Variants in GRID2 observed in about 807,000 individuals in gnomAD.
GRID2 encodes the protein glutamate receptor ionotropic, delta-2.
In GRID2, 33 loss-of-function variants were observed where a neutral mutation model predicts 114.8. The ratio of observed to expected loss-of-function variants is 0.29; its 90% CI spans 0.22 to 0.38. The LOEUF is 0.38. Among genes scored for constraint, GRID2 ranks in the 10% least tolerant of loss-of-function variants. The pLI, the probability that GRID2 is intolerant of heterozygous loss-of-function variation, is 1.00. For synonymous variants in GRID2, 505 were observed against 449.9 expected (o/e 1.12, Z -1.55); for missense variants, 1,184 against 1,257.7 (o/e 0.94, Z 0.89).
At chr4:92,846,496 A>C (rs961120628) in intron 2 of GRID2, among the ~76,000 whole-genome samples, 2 of 152,056 alleles carry the variant, frequency 1.3e-5, no homozygotes, top group African/African-American at 4.8e-5. Flanking sequence ...CAAAGACATA[A>C]TTTTTTATAG....
intron 8 of GRID2, among the ~76,000 whole-genome samples, chr4:93,344,679 A>G (rs1760021437): frequency 6.7e-6 from 1 of 148,872 alleles, no homozygotes; most frequent in Non-Finnish European, 1.5e-5. Flanking sequence ...ATAATATATT[A>G]TTATTAACTA....
chr4:92,385,771 T>C (rs557504114), intron 1 of GRID2, among the ~76,000 whole-genome samples: 1 of 151,600 alleles, frequency 6.6e-6, no homozygotes, highest in East Asian at 1.9e-4. Context: ...CCTTTGTAGT[T>C]CTACTTTTCA....
At chr4:92,359,691 G>T (rs1000513961) in intron 1 of GRID2, among the ~76,000 whole-genome samples, 1 of 151,988 alleles carries the variant, frequency 6.6e-6, no homozygotes, top group East Asian at 1.9e-4. Flanking sequence ...GGTTAGACGG[G>T]TGTTTAGGAA....
chr4:92,733,302 C>T (rs76263947), intron 2 of GRID2, among the ~76,000 whole-genome samples: 3,042 of 152,176 alleles, frequency 0.02, 106 homozygotes, highest in African/African-American at 0.07. Flanking sequence ...TAACCTGTAA[C>T]TGATTAACTG....
chr4:93,117,592 T>C (rs1047770108), intron 4 of GRID2, among the ~76,000 whole-genome samples: 1 of 152,166 alleles, frequency 6.6e-6, no homozygotes, highest in Non-Finnish European at 1.5e-5. Flanking sequence ...TGCATTCTTG[T>C]TTTAGCTCCT....
chr4:92,411,649 G>GTATATATATATATATATATATATATA (rs1320090236), intron 1 of GRID2, among the ~76,000 whole-genome samples: 15 of 94,842 alleles, frequency 1.6e-4, no homozygotes, highest in Non-Finnish European at 2.5e-4. Context: ...GTGTGTGTGT[G>GTATATATATATATATATATATATATA]TGTGTGTATA....
intron 4 of GRID2, among the ~76,000 whole-genome samples, chr4:93,175,150 T>C (rs1051220247): frequency 6.6e-6 from 1 of 152,052 alleles, no homozygotes; most frequent in Non-Finnish European, 1.5e-5. Context: ...ATTGTTTTTT[T>C]ATTTTAGACC....
At chr4:93,016,003 G>C (rs1722660662) in intron 2 of GRID2, among the ~76,000 whole-genome samples, 1 of 151,844 alleles carries the variant, frequency 6.6e-6, no homozygotes, top group Non-Finnish European at 1.5e-5. Flanking sequence ...CAGATAGGTA[G>C]TATCTACAAA....
chr4:92,662,865 T>A (rs1029748281), intron 2 of GRID2, among the ~76,000 whole-genome samples: 4 of 151,156 alleles, frequency 2.6e-5, no homozygotes, highest in Non-Finnish European at 4.5e-5. Flanking sequence ...TACTATATTA[T>A]TTAATAAAAA....
intron 8 of GRID2, among the ~76,000 whole-genome samples, chr4:93,337,871 A>G (rs960038601): frequency 6.6e-6 from 1 of 152,142 alleles, no homozygotes; most frequent in African/African-American, 2.4e-5. Context: ...CATTTTTCAA[A>G]AATAATTTAA....
At chr4:92,746,785 A>G (rs552465772) in intron 2 of GRID2, among the ~76,000 whole-genome samples, 1 of 152,110 alleles carries the variant, frequency 6.6e-6, no homozygotes, top group African/African-American at 2.4e-5. Context: ...CTAAATCTTT[A>G]TACTCCCTTA....
At chr4:92,400,988 A>G (rs1044366027) in intron 1 of GRID2, among the ~76,000 whole-genome samples, 4 of 152,164 alleles carry the variant, frequency 2.6e-5, no homozygotes, top group African/African-American at 9.7e-5. Flanking sequence ...ACCTCAATAT[A>G]AGTTGCTAAT....
intron 2 of GRID2, among the ~76,000 whole-genome samples, chr4:92,759,392 A>G (rs1481701202): frequency 6.6e-6 from 1 of 151,484 alleles, no homozygotes; most frequent in Admixed American, 6.6e-5. Context: ...TTTTTACTTT[A>G]TCTCCCCATG....
intron 6 of GRID2, among the ~76,000 whole-genome samples, chr4:93,218,531 TTCA>T (rs1744500173): frequency 6.6e-6 from 1 of 152,080 alleles, no homozygotes; most frequent in African/African-American, 2.4e-5. Flanking sequence ...GATATGTCCC[TTCA>T]AGAACCCAGC....
chr4:93,568,857 C>T (rs567731975), intron 13 of GRID2, among the ~76,000 whole-genome samples: 26 of 152,242 alleles, frequency 1.7e-4, no homozygotes, highest in African/African-American at 6.0e-4. Flanking sequence ...TATGTATAAT[C>T]GTAGGGAACA....
At chr4:92,360,005 C>A (rs1175479812) in intron 1 of GRID2, among the ~76,000 whole-genome samples, 1 of 151,860 alleles carries the variant, frequency 6.6e-6, no homozygotes, top group Non-Finnish European at 1.5e-5. Context: ...TGTAAACTAC[C>A]TTTAATGGTT....
intron 7 of GRID2, among the ~76,000 whole-genome samples, chr4:93,236,953 C>T (rs1010406153): frequency 6.6e-6 from 1 of 151,980 alleles, no homozygotes; most frequent in Non-Finnish European, 1.5e-5. Flanking sequence ...AGTATTTAAG[C>T]TCTTACCACA....
chr4:92,590,134 C>T lies in GRID2; in HGVS notation c.92C>T (p.Ala31Val). The T allele has an allele frequency of 1.2e-6, 2 of 1,606,628 alleles. No homozygotes were observed. The highest frequency in any genetic ancestry group is 1.7e-6 in the Non-Finnish European group (2 of 1,173,900). ...GGCAAAATTCACTTCTTTCTAGGAG[C>T]AATTTTTGATGAATCTGCCAAAAAG... ...ANADSIIHIG[A>V]IFDESAKKDD... Residue 31 changes from alanine (A) to valine (V), a missense_variant, in exon 2 of 16, where the codon GCA becomes GTA. Physicochemically the swap from Ala to Val is moderately conservative, Grantham distance 64. This residue lies in a region of GRID2 where 455 missense variants were observed against 429.5 expected (regional missense o/e 1.06). Transcript: ENST00000282020.
chr4:92,815,977 A>T (rs979170096), intron 2 of GRID2, among the ~76,000 whole-genome samples: 1 of 149,250 alleles, frequency 6.7e-6, no homozygotes, highest in Non-Finnish European at 1.5e-5. Flanking sequence ...AAACCAACCA[A>T]AAAAAAAACC....
Sources: allele counts gnomAD v4.1 joint callset (sites outside exome capture counted in the v4.1 genomes callset), GRCh38; gene constraint gnomAD v4.1.1; regional missense constraint gnomAD v4.1.1; transcripts MANE v1.5; gene names NCBI Gene and HGNC (gene_info 2026-07-23, HGNC 2026-07-21).